Variants in VPS13B observed in about 807,000 individuals in gnomAD.
The protein encoded by VPS13B is vacuolar protein sorting 13 homolog B.
VPS13B carries 285 observed loss-of-function variants against 426.4 expected under a neutral mutation model. That is an observed-to-expected ratio of 0.67 (90% CI 0.61 to 0.74). The LOEUF is 0.74. VPS13B is among the 30% of genes least tolerant of loss of function. The pLI, the probability that VPS13B is intolerant of heterozygous loss-of-function variation, is 0.00. For missense variants in VPS13B, 4,537 were observed against 4,782.6 expected (o/e 0.95, Z 1.51); for synonymous variants, 1,676 against 1,676.4 (o/e 1.00, Z 0.01).
At chr8:99,394,415 C>T (rs1814621688) in intron 21 of VPS13B, among the ~76,000 whole-genome samples, 1 of 152,160 alleles carries the variant, frequency 6.6e-6, no homozygotes, top group Non-Finnish European at 1.5e-5. Context: ...TGTTAAGTGG[C>T]TGGCTACAGG....
chr8:99,594,732 G>T (rs533611706), intron 33 of VPS13B, among the ~76,000 whole-genome samples: 137 of 152,018 alleles, frequency 9.0e-4, no homozygotes, highest in African/African-American at 3.1e-3. Context: ...AGGTAAATGA[G>T]ATCTTGCTGA....
chr8:99,832,238 C>T (rs1028905846), intron 51 of VPS13B, 131 bp from the exon 52 acceptor site: 23 of 1,297,082 alleles, frequency 1.8e-5, no homozygotes, highest in South Asian at 6.1e-5. Context: ...CTCCCGCCTG[C>T]GTGATGGAGT....
chr8:99,814,209 C>G (rs945934076), intron 44 of VPS13B, among the ~76,000 whole-genome samples: 4 of 152,156 alleles, frequency 2.6e-5, no homozygotes, highest in African/African-American at 9.6e-5. Context: ...AATAATAGTT[C>G]ATTAAAATTG....
At chr8:99,542,148 CA>C (rs960034988) in intron 30 of VPS13B, among the ~76,000 whole-genome samples, 2 of 152,122 alleles carry the variant, frequency 1.3e-5, no homozygotes, top group African/African-American at 4.8e-5. Context: ...CTTGGCCTCC[CA>C]AAGTGCTGGG....
chr8:99,731,205 T>TG (rs1053704459), intron 39 of VPS13B, among the ~76,000 whole-genome samples: 14 of 152,272 alleles, frequency 9.2e-5, no homozygotes, highest in Admixed American at 2.6e-4. Flanking sequence ...CATTCCATGG[T>TG]GGGAAAAGAG....
chr8:99,499,641 T>G (rs1007047700), intron 25 of VPS13B, among the ~76,000 whole-genome samples: 1 of 152,198 alleles, frequency 6.6e-6, no homozygotes, highest in Non-Finnish European at 1.5e-5. Flanking sequence ...CCTGATTTTT[T>G]TATAGCTTCT....
chr8:99,193,282 T>A (rs997075916), intron 17 of VPS13B, among the ~76,000 whole-genome samples: 4 of 152,184 alleles, frequency 2.6e-5, no homozygotes, highest in African/African-American at 9.6e-5. Context: ...TGCAAAAGAT[T>A]ATTTTTCACC....
intron 3 of VPS13B, among the ~76,000 whole-genome samples, chr8:99,054,720 T>G (rs1843739998): frequency 6.6e-6 from 1 of 152,234 alleles, no homozygotes; most frequent in African/African-American, 2.4e-5. Flanking sequence ...TTGATCCATA[T>G]TGAATTAAAT....
At chr8:99,239,560 A>G (rs977949517) in intron 17 of VPS13B, among the ~76,000 whole-genome samples, 1 of 152,146 alleles carries the variant, frequency 6.6e-6, no homozygotes, top group African/African-American at 2.4e-5. Context: ...TTGGTTTTTA[A>G]AGAATACTCA....
intron 17 of VPS13B, among the ~76,000 whole-genome samples, chr8:99,258,020 T>C (rs1418992431): frequency 6.6e-6 from 1 of 151,502 alleles, no homozygotes; most frequent in Middle Eastern, 3.5e-3. Context: ...TTTTTTCTTG[T>C]TATTATTTTC....
chr8:99,870,653 T>G lies in VPS13B; in HGVS notation c.11393-132T>G, dbSNP rs1817350030. On this transcript the variant is annotated intron_variant, in intron 59 of 61. Transcript: ENST00000357162. ...AATGTTTAATGATTATCTATACGCTTGCTTCCAAAGATGTGACATCATTTT... is the reference window on the plus strand; with the variant it reads ...AATGTTTAATGATTATCTATACGCTGGCTTCCAAAGATGTGACATCATTTT... The G allele has an allele frequency of 8.5e-5, 67 of 785,132 alleles. 2 individuals carry two copies. The South Asian group carries it at 9.7e-4, about 11-fold the overall frequency. The allele number at this position is 785,132 out of a possible 1,614,324, so 48.6% of individuals were successfully genotyped here.
At chr8:99,451,126 A>C (rs1272059939) in intron 23 of VPS13B, among the ~76,000 whole-genome samples, 3 of 152,126 alleles carry the variant, frequency 2.0e-5, no homozygotes, top group Non-Finnish European at 4.4e-5. Flanking sequence ...AAAATGACAT[A>C]AATTTGATTC....
chr8:99,210,745 A>G (rs1450167515), intron 17 of VPS13B, among the ~76,000 whole-genome samples: 2 of 152,166 alleles, frequency 1.3e-5, no homozygotes, highest in South Asian at 2.1e-4. Flanking sequence ...AGCTGGGACC[A>G]CAAGTGCCCA....
At chr8:99,600,484 C>A (rs1010738916) in intron 33 of VPS13B, among the ~76,000 whole-genome samples, 1 of 152,090 alleles carries the variant, frequency 6.6e-6, no homozygotes, top group Non-Finnish European at 1.5e-5. Context: ...ATATAATTTG[C>A]ATTTTATTGA....
At chr8:99,851,550 G>T (rs1816297311) in intron 55 of VPS13B, among the ~76,000 whole-genome samples, 1 of 152,182 alleles carries the variant, frequency 6.6e-6, no homozygotes, top group South Asian at 2.1e-4. Context: ...GCTGCACTGA[G>T]AAGTTGATGT....
intron 22 of VPS13B, among the ~76,000 whole-genome samples, chr8:99,436,676 T>C (rs1817395254): frequency 1.3e-5 from 2 of 152,212 alleles, no homozygotes; most frequent in South Asian, 4.1e-4. Flanking sequence ...CTTTAAAAGA[T>C]AAAATTAGAT....
rs568941261 is a variant in VPS13B, at chr8:99,559,783, A to G, written c.4949+3130A>G. 8.1e-4 allele frequency among the ~76,000 whole-genome samples: 123 copies of G among 152,308 alleles called. 1 individual carries two copies. The Middle Eastern group carries it at 0.01, about 13-fold the overall frequency. On this transcript the variant is annotated intron_variant, in intron 31 of 61. Coordinates refer to ENST00000357162, the MANE Select transcript of VPS13B (RefSeq NM_152564.5). The stretch of plus-strand genomic sequence containing the variant: ...TGTTCTATATCTCTGTTTTGGTACC[A>G]GTACCATGCTGTTTTGGTTACTGTA...
At chr8:99,156,853 G>A (rs1184592000) in intron 15 of VPS13B, 110 bp downstream of exon 15, 1 of 997,334 alleles carries the variant, frequency 1.0e-6, no homozygotes, top group African/African-American at 1.6e-5. Flanking sequence ...ACTCTAAAAG[G>A]TAAGATTTAA....
At chr8:99,051,163 G>C (rs959826555) in intron 3 of VPS13B, among the ~76,000 whole-genome samples, 10 of 152,152 alleles carry the variant, frequency 6.6e-5, no homozygotes, top group Non-Finnish European at 1.3e-4. Flanking sequence ...TATGGTTTTA[G>C]GTCTAACATT....
Sources: gnomAD v4.1 joint callset for allele counts (sites outside exome capture counted in the v4.1 genomes callset) on GRCh38, gnomAD v4.1.1 for gene constraint, MANE v1.5 for transcripts, NCBI Gene and HGNC (gene_info 2026-07-23, HGNC 2026-07-21) for gene names.